NFIA: variants seen among roughly 807,000 people sequenced by gnomAD.
The protein encoded by NFIA is nuclear factor 1 A-type.
In NFIA, 8 loss-of-function variants were observed where a neutral mutation model predicts 62.8. That is an observed-to-expected ratio of 0.13 (90% CI 0.07 to 0.23). The LOEUF is 0.23. Ranked by LOEUF, NFIA falls within the 10% of genes least tolerant of loss-of-function variation. The pLI is 1.00. For missense variants in NFIA, 410 were observed against 642.1 expected (o/e 0.64, Z 3.91); for synonymous variants, 235 against 238.1 (o/e 0.99, Z 0.12).
At chr1:61,216,757 T>C (rs1462331288) in intron 2 of NFIA, among the ~76,000 whole-genome samples, 2 of 152,152 alleles carry the variant, frequency 1.3e-5, no homozygotes, top group East Asian at 3.9e-4. Flanking sequence ...CCCAGCACTT[T>C]GGGAGGCCGA....
rs1056898456 is a variant in NFIA, at chr1:61,359,343, C to T, written c.946+69C>T. 4 of 1,603,438 alleles carry T rather than the reference C, an allele frequency of 2.5e-6. No individual in the cohort carries two copies. The African/African-American group carries it at 4.0e-5, about 16-fold the overall frequency. ...CTGAAAATACGTGTGGGGTCCCATGCCACGCATAAAAGTGAAGAAAGAAAG... is the reference window on the plus strand; with the variant it reads ...CTGAAAATACGTGTGGGGTCCCATGTCACGCATAAAAGTGAAGAAAGAAAG... On this transcript the variant is annotated intron_variant, in intron 6 of 10. Transcript: ENST00000403491.
chr1:61,106,620 G>T (rs75595138), intron 2 of NFIA, among the ~76,000 whole-genome samples: 1 of 151,582 alleles, frequency 6.6e-6, no homozygotes, highest in South Asian at 2.1e-4. Flanking sequence ...GTAGAATATC[G>T]TGGAAAATTC....
At chr1:61,100,791 C>G (rs1205671302) in intron 2 of NFIA, among the ~76,000 whole-genome samples, 1 of 152,054 alleles carries the variant, frequency 6.6e-6, no homozygotes, top group Non-Finnish European at 1.5e-5. Context: ...GATAGAGTCT[C>G]ACTACATTGC....
intron 2 of NFIA, among the ~76,000 whole-genome samples, chr1:61,217,981 C>T (rs777483746): frequency 6.6e-6 from 1 of 152,172 alleles, no homozygotes; most frequent in Non-Finnish European, 1.5e-5. Flanking sequence ...AACATAGTCA[C>T]TGGCACAGAG....
At chr1:61,359,086 C>G (rs1557730506) in intron 5 of NFIA, 61 bp from the exon 6 acceptor site, 4 of 1,587,926 alleles carry the variant, frequency 2.5e-6, no homozygotes, top group Non-Finnish European at 3.4e-6. Flanking sequence ...ACCAGAGGTG[C>G]AGTGTCCAAG....
At chr1:61,113,669 T>C (rs1646746690) in intron 2 of NFIA, among the ~76,000 whole-genome samples, 1 of 150,816 alleles carries the variant, frequency 6.6e-6, no homozygotes, top group East Asian at 1.9e-4. Flanking sequence ...ATTGAGACCA[T>C]TTGGAAGGCT....
At chr1:61,294,170 C>T (rs1190580647) in intron 3 of NFIA, among the ~76,000 whole-genome samples, 1 of 152,208 alleles carries the variant, frequency 6.6e-6, no homozygotes, top group Non-Finnish European at 1.5e-5. Flanking sequence ...TGACTCTTCT[C>T]ATCTCCAATT....
intron 2 of NFIA, among the ~76,000 whole-genome samples, chr1:61,183,401 C>G (rs944601306): frequency 9.2e-5 from 14 of 152,294 alleles, no homozygotes; most frequent in African/African-American, 3.4e-4. Flanking sequence ...TTGGCTCATT[C>G]AAGCCCCTTG....
intron 3 of NFIA, among the ~76,000 whole-genome samples, chr1:61,294,569 A>T (rs983472917): frequency 1.3e-5 from 2 of 152,254 alleles, no homozygotes; most frequent in Non-Finnish European, 2.9e-5. Flanking sequence ...CACAGTTTTC[A>T]TATTACATTT....
At chr1:61,434,035 G>GT (rs1667221692) in intron 10 of NFIA, among the ~76,000 whole-genome samples, 1 of 152,118 alleles carries the variant, frequency 6.6e-6, no homozygotes, top group Admixed American at 6.5e-5. Flanking sequence ...AACCTTACAG[G>GT]TGCCCAAAAG....
At chr1:61,431,836 T>C (rs537252138) in intron 10 of NFIA, among the ~76,000 whole-genome samples, 1 of 152,352 alleles carries the variant, frequency 6.6e-6, no homozygotes, top group African/African-American at 2.4e-5. Flanking sequence ...CCGTGTGTCA[T>C]ATTCCTGAAG....
chr1:61,290,057 T>A (rs1392162479), intron 3 of NFIA, among the ~76,000 whole-genome samples: 1 of 146,192 alleles, frequency 6.8e-6, no homozygotes, highest in Non-Finnish European at 1.5e-5. Context: ...TATAGAAAAA[T>A]TACATTCTTA....
chr1:61,442,781 C>G (rs950081610), intron 10 of NFIA, among the ~76,000 whole-genome samples: 8 of 152,204 alleles, frequency 5.3e-5, no homozygotes, highest in Non-Finnish European at 1.2e-4. Context: ...TGCAAATTAT[C>G]TTCTTTCTGG....
At position 61,459,753 on chromosome 1, in the gene NFIA, T is replaced by C. The variant is rs1231763285; in HGVS notation, c.*4433T>C. The C allele has an allele frequency of 6.6e-6, 1 of 152,212 alleles. No homozygotes were observed. The highest frequency in any genetic ancestry group is 1.5e-5 in the Non-Finnish European group (1 of 68,036). The allele number at this position is 152,212 out of a possible 1,614,324, so 9.4% of individuals were successfully genotyped here. A position where few individuals can be genotyped will look rare whatever the true frequency, so the allele number is the denominator to read the frequency against. On this transcript the variant is annotated 3_prime_UTR_variant, in exon 11 of 11. Transcript: ENST00000403491. The stretch of plus-strand genomic sequence containing the variant: ...TTAGCCCCATAAGCTTTGAATCCTG[T>C]AGTTACAGTGGCATAAAGGACTGAC...
At chr1:61,406,753 G>A (rs374503651) in intron 9 of NFIA, 26 bp downstream of exon 9, 149 of 1,575,808 alleles carry the variant, frequency 9.5e-5, no homozygotes, top group Admixed American at 1.3e-4. Flanking sequence ...ACAAGGCGCC[G>A]GTCACTTCTA....
intron 2 of NFIA, among the ~76,000 whole-genome samples, chr1:61,254,696 T>A (rs1275936488): frequency 2.6e-5 from 4 of 152,348 alleles, no homozygotes; most frequent in African/African-American, 9.6e-5. Flanking sequence ...TCTCCCAGAA[T>A]TGGGGTCAGC....
intron 9 of NFIA, among the ~76,000 whole-genome samples, chr1:61,408,394 A>G (rs1010577540): frequency 1.3e-5 from 2 of 152,234 alleles, no homozygotes; most frequent in African/African-American, 4.8e-5. Flanking sequence ...TTGTGTATTT[A>G]TGTAACATCT....
At chr1:61,200,010 G>GTATATATATATATATA (rs60422302) in intron 2 of NFIA, among the ~76,000 whole-genome samples, 1 of 52,828 alleles carries the variant, frequency 1.9e-5, no homozygotes, top group Non-Finnish European at 3.9e-5. Flanking sequence ...ATATATATAT[G>GTATATATATATATATA]TATATATATA....
chr1:61,259,843 A>C (rs1656645922), intron 2 of NFIA, among the ~76,000 whole-genome samples: 2 of 152,204 alleles, frequency 1.3e-5, no homozygotes, highest in African/African-American at 2.4e-5. Flanking sequence ...AATGTTTTTA[A>C]ATGACAATTG....
Sources: allele counts gnomAD v4.1 joint callset (sites outside exome capture counted in the v4.1 genomes callset), GRCh38; gene constraint gnomAD v4.1.1; transcripts MANE v1.5; gene names NCBI Gene and HGNC (gene_info 2026-07-23, HGNC 2026-07-21).